The following CELSR1 variants were observed in gnomAD, a reference collection of about 807,000 sequenced individuals.
CELSR1 encodes the protein adhesion G protein-coupled receptor C1.
In CELSR1, 110 loss-of-function variants were observed where a neutral mutation model predicts 249.1. That is an observed-to-expected ratio of 0.44 (90% CI 0.38 to 0.52). CELSR1 has a LOEUF of 0.52. Among genes scored for constraint, CELSR1 ranks in the 20% least tolerant of loss-of-function variants. CELSR1 has a pLI of 0.00. For synonymous variants in CELSR1, 2,113 were observed against 1,900.0 expected (o/e 1.11, Z -2.92); for missense variants, 4,109 against 4,296.4 (o/e 0.96, Z 1.22).
At chr22:46,481,568 C>A in intron 1 of CELSR1, 1 of 987,218 alleles carries the variant, frequency 1.0e-6, no homozygotes. Context: ...GCCAGAGGCA[C>A]ATGGTGGCAC....
Position 46,397,832 on chromosome 22 carries a change from C to G in CELSR1, c.5543G>C (p.Gly1848Ala), listed in dbSNP as rs755458299. ...RGCMQGVRMG[G>A]TPTNVATLNM... Reference sequence around the variant, plus strand: ...CAGGGTGGCGACGTTGGTGGGCGTCCCCCCCATCCTCACTCCCTGCATTAA... The same window carrying G: ...CAGGGTGGCGACGTTGGTGGGCGTCGCCCCCATCCTCACTCCCTGCATTAA... Residue 1848 changes from glycine to alanine, a missense_variant, in exon 12 of 35, where the codon GGG (glycine) becomes GCG (alanine). Gly to Ala is a moderately conservative substitution (Grantham distance 60, BLOSUM62 0). This residue lies in a region of CELSR1 where 1,805 missense variants were observed against 1,831.6 expected (regional missense o/e 0.99). Coordinates refer to ENST00000674500, the MANE Select transcript of CELSR1 (RefSeq NM_001378328.1). The G allele has an allele frequency of 6.3e-7, 1 of 1,577,504 alleles. No homozygotes were observed. The highest frequency in any genetic ancestry group is 1.2e-5 in the South Asian group (1 of 84,752).
Position 46,386,301 on chromosome 22 carries a change from G to A in CELSR1, c.6739+101C>T, listed in dbSNP as rs566615842. On this transcript the variant is annotated intron_variant, in intron 19 of 34. Transcript: ENST00000674500. ...TCATTTTTCTAAGAGCATGGCCAAG[G>A]GGGGGCCGGGAGCCCACCTGCTTCA... The A allele has an allele frequency of 1.4e-4, 187 of 1,301,406 alleles. 3 individuals carry two copies. In the South Asian group the frequency reaches 2.9e-3, roughly 20 times the overall value. 80.6% of individuals were successfully genotyped at this position (1,301,406 alleles called of 1,614,324 possible). A position where few individuals can be genotyped will look rare whatever the true frequency, so the allele number is the denominator to read the frequency against.
intron 2 of CELSR1, among the ~76,000 whole-genome samples, chr22:46,452,166 C>G (rs754912254): frequency 2.0e-5 from 3 of 152,116 alleles, no homozygotes; most frequent in African/African-American, 2.4e-5. Flanking sequence ...CCTAGGAGAA[C>G]GAGGCCCAGA....
intron 5 of CELSR1, among the ~76,000 whole-genome samples, chr22:46,425,105 C>T (rs1433572981): frequency 1.3e-5 from 2 of 152,224 alleles, no homozygotes; most frequent in African/African-American, 2.4e-5. Flanking sequence ...TTCCATGGTA[C>T]GGACATACCA....
chr22:46,366,339 G>A lies in CELSR1; in HGVS notation c.8300+47C>T, dbSNP rs368583642. The A allele has an allele frequency of 2.7e-4, 403 of 1,489,688 alleles. 2 individuals are homozygous for A. Among genetic ancestry groups the A allele is most frequent in the African/African-American group, 2.4e-3 (174 of 71,496 alleles). The allele number at this position is 1,489,688 out of a possible 1,614,324, so 92.3% of individuals were successfully genotyped here. On this transcript the variant is annotated intron_variant, in intron 30 of 34. Coordinates refer to ENST00000674500, the MANE Select transcript of CELSR1 (RefSeq NM_001378328.1). ...GGTTGGGGTGGCAGGGGCAAAACCT[G>A]AGGGAGTTCGAGAGCCACCTCCCCG...
In CELSR1 at chr22:46,488,722, T is replaced by C. The variant is rs1205408536; in HGVS notation, c.3545-24377A>G. Among the ~76,000 whole-genome samples, 6 of 151,034 alleles carry C rather than the reference T, an allele frequency of 4.0e-5. No homozygotes were observed. Among genetic ancestry groups the C allele is most frequent in the East Asian group, 3.9e-4 (2 of 5,108 alleles). ...TCACCCAGGCTGGAGTTCAGTGGCG[T>C]GATCTCGGCTCACTGCAAGCTCCAC... On this transcript the variant is annotated intron_variant, in intron 1 of 34. Transcript: ENST00000674500. The surrounding 1 kb of genome is among the most constrained non-coding windows in gnomAD (Gnocchi z 4.7).
intron 2 of CELSR1, among the ~76,000 whole-genome samples, chr22:46,458,736 G>A (rs933263363): frequency 1.4e-4 from 21 of 152,146 alleles, no homozygotes; most frequent in South Asian, 2.1e-4. Flanking sequence ...GGCCCCGCCC[G>A]CCTGGTGCTG....
chr22:46,528,457 C>G (rs974667026), intron 1 of CELSR1, among the ~76,000 whole-genome samples: 1 of 152,216 alleles, frequency 6.6e-6, no homozygotes, highest in Non-Finnish European at 1.5e-5. Context: ...GCAACACACA[C>G]AGCAGGAGAG....
chr22:46,380,324 C>T lies in CELSR1; in HGVS notation c.7256+464G>A, dbSNP rs2078963744. Among the ~76,000 whole-genome samples the T allele has an allele frequency of 6.6e-6, 1 of 152,212 alleles. No homozygotes were observed. The highest frequency in any genetic ancestry group is 2.1e-4 in the South Asian group (1 of 4,836). On this transcript the variant is annotated intron_variant, in intron 22 of 34. Transcript: ENST00000674500. The surrounding 1 kb of genome is among the most constrained non-coding windows in gnomAD (Gnocchi z 5.1). ...CAGGTGTGGCCTCTTGGGGGTGAAG[C>T]CAGTCCCCACAGCTAGACTGTGTCA...
At chr22:46,513,724 T>G (rs2080597175) in intron 1 of CELSR1, among the ~76,000 whole-genome samples, 1 of 152,144 alleles carries the variant, frequency 6.6e-6, no homozygotes. Context: ...GCAGAGAGCC[T>G]CCTAATAAAT....
intron 24 of CELSR1, among the ~76,000 whole-genome samples, 189 bp from the exon 25 acceptor site, chr22:46,373,246 C>G (rs1006151441): frequency 4.6e-5 from 7 of 152,196 alleles, no homozygotes; most frequent in Non-Finnish European, 7.4e-5. Context: ...ATCCACGGAG[C>G]AGCTGAGCCA....
rs2080841090 is a variant in CELSR1, at chr22:46,535,338, A to C, written c.1833T>G (p.Phe611Leu). ...TAGGCCCAGCGCTGCCGCCCCCCAGAAAGGTGGAGGCCGTGTCCACCAGGC... is the reference window on the plus strand; with the variant it reads ...TAGGCCCAGCGCTGCCGCCCCCCAGCAAGGTGGAGGCCGTGTCCACCAGGC... ...HYRLVDTAST[F>L]LGGGSAGPKN... is the part of the protein sequence containing the mutation. The change falls in exon 1 of 35, where the codon TTT (phenylalanine) becomes TTG (leucine). Residue 611 changes from phenylalanine (F) to leucine (L), a missense_variant. Phe to Leu is a conservative substitution (Grantham distance 22, BLOSUM62 0). Transcript: ENST00000674500. 6.2e-7 allele frequency: 1 copy of C among 1,612,422 alleles called. No homozygotes were observed. The highest frequency in any genetic ancestry group is 2.2e-5 in the East Asian group (1 of 44,876).
chr22:46,364,706 CCGGCCGGAACGTGGTTGGCCACAG>C lies in CELSR1; in HGVS notation c.8561_8584del (p.Ala2854_Ala2861del). ...CTCAGCCAGGCTCTGGTCGGGCCAG[CCGGCCGGAACGTGGTTGGCCACAG>C]CGTCCCCTGAGGCACGAGAGCGGTG... is the stretch of plus-strand genomic sequence containing the variant. On this transcript the variant is annotated inframe_deletion, in exon 33 of 35. Transcript: ENST00000674500. 6.2e-7 allele frequency: 1 copy of C among 1,612,410 alleles called. No homozygotes were observed. Among genetic ancestry groups the C allele is most frequent in the East Asian group, 2.2e-5 (1 of 44,872 alleles).
Position 46,490,832 on chromosome 22 carries a change from G to A in CELSR1, c.3545-26487C>T, listed in dbSNP as rs960554544. ...CCCAGCTGGCCTGGGGCTGCTGCACGTGCCGCACCCTGATCCTCCAGGCAG... is the reference window on the plus strand; with the variant it reads ...CCCAGCTGGCCTGGGGCTGCTGCACATGCCGCACCCTGATCCTCCAGGCAG... On this transcript the variant is annotated intron_variant, in intron 1 of 34. Transcript: ENST00000674500. The surrounding 1 kb of genome is among the most constrained non-coding windows in gnomAD (Gnocchi z 5.2). 6.6e-6 allele frequency among the ~76,000 whole-genome samples: 1 copy of A among 152,132 alleles called. No individual in the cohort carries two copies. The highest frequency in any genetic ancestry group is 1.5e-5 in the Non-Finnish European group (1 of 68,042).
chr22:46,507,451 C>T (rs116688038), intron 1 of CELSR1, among the ~76,000 whole-genome samples: 266 of 152,152 alleles, frequency 1.7e-3, no homozygotes, highest in African/African-American at 6.0e-3. Context: ...CTGCAGCGTA[C>T]TCCAGCTGCC....
Position 46,500,301 on chromosome 22 carries a change from G to A in CELSR1, c.3544+33326C>T, listed in dbSNP as rs1020228313. On this transcript the variant is annotated intron_variant, in intron 1 of 34. Transcript: ENST00000674500. The surrounding 1 kb of genome is among the most constrained non-coding windows in gnomAD (Gnocchi z 4.9). ...ACCCTGGCGCCCGGTTTTCAGCACC[G>A]CGCTAGGTTTTAACTGCCTGCTGGA... Among the ~76,000 whole-genome samples the A allele has an allele frequency of 4.6e-5, 7 of 152,180 alleles. No individual in the cohort carries two copies. Among genetic ancestry groups the A allele is most frequent in the South Asian group, 2.1e-4 (1 of 4,832 alleles).
Position 46,399,620 on chromosome 22 carries a change from G to T in CELSR1, c.5412+97C>A. ...AGAAAGTGCCTCCCCAAATCCACAA[G>T]GTCTCTGGTGGGTCCTGGCACGTCA... is the stretch of plus-strand genomic sequence containing the variant. On this transcript the variant is annotated intron_variant, in intron 10 of 34. Coordinates refer to ENST00000674500, the MANE Select transcript of CELSR1 (RefSeq NM_001378328.1). The surrounding 1 kb of genome is among the most constrained non-coding windows in gnomAD (Gnocchi z 5.0). 7.8e-7 allele frequency: 1 copy of T among 1,274,484 alleles called. No homozygotes were observed. The highest frequency in any genetic ancestry group is 1.5e-5 in the African/African-American group (1 of 68,180). The allele number at this position is 1,274,484 out of a possible 1,614,324, so 78.9% of individuals were successfully genotyped here.
At chr22:46,519,115 C>T (rs1051563643) in intron 1 of CELSR1, among the ~76,000 whole-genome samples, 8 of 151,994 alleles carry the variant, frequency 5.3e-5, no homozygotes, top group Non-Finnish European at 1.2e-4. Context: ...TGACACTGGC[C>T]GGGGAGAAGC....
chr22:46,415,353 A>T (rs6008810), intron 5 of CELSR1, among the ~76,000 whole-genome samples: 17,700 of 151,874 alleles, frequency 0.12, 3,273 homozygotes, highest in African/African-American at 0.39. Context: ...TTTCACCATG[A>T]TGGCCAGGCT....
Sources: gnomAD v4.1 joint callset for allele counts (sites outside exome capture counted in the v4.1 genomes callset) on GRCh38, gnomAD v4.1.1 for gene constraint, gnomAD v4.1.1 regional missense constraint, Gnocchi (gnomAD v3.1) non-coding constraint, MANE v1.5 for transcripts, NCBI Gene and HGNC (gene_info 2026-07-23, HGNC 2026-07-21) for gene names.